The following ZDHHC14 variants were observed in gnomAD, a reference collection of about 807,000 sequenced individuals.
ZDHHC14 encodes the protein palmitoyltransferase ZDHHC14.
In ZDHHC14, 16 loss-of-function variants were observed where a neutral mutation model predicts 47.7. The ratio of observed to expected loss-of-function variants is 0.34; its 90% confidence interval spans 0.23 to 0.51. The LOEUF (loss-of-function observed/expected upper bound fraction) is 0.51. Ranked by LOEUF, ZDHHC14 falls within the 20% of genes least tolerant of loss-of-function variation. The probability of loss-of-function intolerance (pLI) is 0.97; values close to 1 mark genes in which losing one functional copy is unlikely to be tolerated. For missense variants in ZDHHC14, 515 were observed against 662.5 expected, an observed-to-expected ratio of 0.78 and a Z score of 2.44; for synonymous variants, 293 against 278.9, an observed-to-expected ratio of 1.05 and a Z score of -0.50.
intron 8 of ZDHHC14, 78 bp downstream of exon 8, chr6:157,653,705 T>G (rs1777949486): frequency 4.1e-6 from 6 of 1,464,030 alleles, no homozygotes; most frequent in Non-Finnish European, 5.6e-6. Flanking sequence ...CAAGCAGCCT[T>G]CCTAGCAAAC....
chr6:157,417,402 G>A lies in ZDHHC14; in HGVS notation c.245+35136G>A, dbSNP rs556037035. The stretch of plus-strand genomic sequence containing the variant: ...GTTTTTTGTCAACTAATCACGTATC[G>A]TGGACATTTTTTTCATATCAGCACA... On this transcript the variant is annotated intron_variant, in intron 1 of 8. Transcript: ENST00000359775. 4.8e-3 allele frequency among the ~76,000 whole-genome samples: 218 copies of A among 45,268 alleles called. 1 individual carries two copies. Among genetic ancestry groups the A allele is most frequent in the African/African-American group, 0.013 (205 of 15,992 alleles). The allele number at this position is 45,268 out of a possible 152,430, so 29.7% of individuals were successfully genotyped here. A position where few individuals can be genotyped will look rare whatever the true frequency, so the allele number is the denominator to read the frequency against.
At chr6:157,528,195 T>C (rs1015614188) in intron 1 of ZDHHC14, among the ~76,000 whole-genome samples, 1 of 152,216 alleles carries the variant, frequency 6.6e-6, no homozygotes, top group Admixed American at 6.5e-5. Flanking sequence ...CCTTTTGCCC[T>C]TCTCTTTTTA....
intron 2 of ZDHHC14, among the ~76,000 whole-genome samples, chr6:157,548,721 C>T (rs1345476237): frequency 7.2e-6 from 1 of 139,830 alleles, no homozygotes; most frequent in Non-Finnish European, 1.5e-5. Context: ...GCTGGGATTA[C>T]AGGCTTGAGC....
At chr6:157,591,438 A>C (rs1443643157) in intron 2 of ZDHHC14, among the ~76,000 whole-genome samples, 2 of 152,070 alleles carry the variant, frequency 1.3e-5, no homozygotes, top group African/African-American at 4.8e-5. Flanking sequence ...ATTCTTTTAT[A>C]AGAGGCTTTT....
chr6:157,469,835 T>C (rs1270740750), intron 1 of ZDHHC14, among the ~76,000 whole-genome samples: 1 of 152,228 alleles, frequency 6.6e-6, no homozygotes, highest in Non-Finnish European at 1.5e-5. Flanking sequence ...CGGAAAGATT[T>C]GGCAAACTGC....
At chr6:157,435,375 G>A (rs2114785603) in intron 1 of ZDHHC14, among the ~76,000 whole-genome samples, 1 of 152,214 alleles carries the variant, frequency 6.6e-6, no homozygotes, top group African/African-American at 2.4e-5. Flanking sequence ...AGGGAAGGAG[G>A]GACTGCAGAA....
At chr6:157,438,831 G>C (rs755614945) in intron 1 of ZDHHC14, among the ~76,000 whole-genome samples, 24 of 152,196 alleles carry the variant, frequency 1.6e-4, no homozygotes, top group Non-Finnish European at 2.6e-4. Context: ...TAGAGCTGTG[G>C]AATTTATGGA....
chr6:157,578,342 T>A (rs1459155344), intron 2 of ZDHHC14, among the ~76,000 whole-genome samples: 4 of 152,222 alleles, frequency 2.6e-5, no homozygotes, highest in Non-Finnish European at 5.9e-5. Flanking sequence ...ATTTAAGTCT[T>A]TAATCCATCT....
chr6:157,611,429 G>A (rs530447573), intron 3 of ZDHHC14, among the ~76,000 whole-genome samples: 2,812 of 152,308 alleles, frequency 0.018, 36 homozygotes, highest in Non-Finnish European at 0.022. Flanking sequence ...TATGACAAAA[G>A]AGTGAGATTA....
intron 7 of ZDHHC14, among the ~76,000 whole-genome samples, chr6:157,650,379 G>A (rs888711370): frequency 4.5e-4 from 69 of 152,220 alleles, no homozygotes; most frequent in Non-Finnish European, 8.2e-4. Flanking sequence ...AGGGAGCTGG[G>A]CCGAGAACCA....
intron 2 of ZDHHC14, among the ~76,000 whole-genome samples, chr6:157,555,956 C>T (rs1283036235): frequency 1.3e-5 from 2 of 152,158 alleles, no homozygotes; most frequent in Non-Finnish European, 2.9e-5. Flanking sequence ...AGGGATTAAT[C>T]ACGGGAGGCC....
intron 1 of ZDHHC14, among the ~76,000 whole-genome samples, chr6:157,509,093 G>C (rs1159653410): frequency 6.6e-6 from 1 of 152,228 alleles, no homozygotes; most frequent in South Asian, 2.1e-4. Context: ...CAGCAGTGGG[G>C]AGAGTCTTCC....
At chr6:157,401,694 C>T (rs1267990647) in intron 1 of ZDHHC14, among the ~76,000 whole-genome samples, 1 of 150,436 alleles carries the variant, frequency 6.6e-6, no homozygotes, top group Non-Finnish European at 1.5e-5. Context: ...GAGATGCGCA[C>T]CTGCTGAGGA....
chr6:157,627,664 C>G (rs1274624748), intron 3 of ZDHHC14, among the ~76,000 whole-genome samples: 3 of 152,206 alleles, frequency 2.0e-5, no homozygotes, highest in Non-Finnish European at 4.4e-5. Flanking sequence ...ATGGGAGCAG[C>G]TCTGAAAGGC....
chr6:157,466,959 TGGCGA>T (rs1779233499), intron 1 of ZDHHC14, among the ~76,000 whole-genome samples: 1 of 152,118 alleles, frequency 6.6e-6, no homozygotes, highest in Non-Finnish European at 1.5e-5. Flanking sequence ...TGCCCTCACA[TGGCGA>T]GGCTCATTCT....
At chr6:157,514,954 T>G (rs1780628522) in intron 1 of ZDHHC14, among the ~76,000 whole-genome samples, 1 of 152,232 alleles carries the variant, frequency 6.6e-6, no homozygotes. Flanking sequence ...ATCGCAGCTC[T>G]TTCAGAAGTG....
intron 1 of ZDHHC14, among the ~76,000 whole-genome samples, chr6:157,444,013 A>G (rs1313869975): frequency 1.3e-5 from 2 of 152,188 alleles, no homozygotes; most frequent in Non-Finnish European, 2.9e-5. Context: ...TAAATGTTCT[A>G]TGTGTGCTCA....
chr6:157,445,188 C>T (rs1209621315), intron 1 of ZDHHC14, among the ~76,000 whole-genome samples: 1 of 151,290 alleles, frequency 6.6e-6, no homozygotes, highest in Non-Finnish European at 1.5e-5. Context: ...TCATCATCAT[C>T]ATTTTATATA....
chr6:157,382,319 C>T (rs1396563223), intron 1 of ZDHHC14, 53 bp downstream of exon 1: 16 of 1,581,244 alleles, frequency 1.0e-5, no homozygotes, highest in South Asian at 5.8e-5. Context: ...TCTCCCCTGT[C>T]CCCCGCCCCT....
Sources: gnomAD v4.1 joint callset for allele counts (sites outside exome capture counted in the v4.1 genomes callset) on GRCh38, gnomAD v4.1.1 for gene constraint, MANE v1.5 for transcripts, NCBI Gene and HGNC (gene_info 2026-07-23, HGNC 2026-07-21) for gene names.